The following USP43 variants were observed in gnomAD, a reference collection of about 807,000 sequenced individuals.
USP43 encodes ubiquitin carboxyl-terminal hydrolase 43.
A neutral mutation model predicts 90.7 loss-of-function variants in USP43; 33 were observed. That is an observed-to-expected ratio of 0.36 (90% CI 0.28 to 0.49). The LOEUF (loss-of-function observed/expected upper bound fraction) is 0.49, where lower values mean the gene tolerates loss of function less well. USP43 is among the 20% of genes least tolerant of loss of function. The pLI, the probability that USP43 is intolerant of heterozygous loss-of-function variation, is 0.98. For synonymous variants in USP43, 598 were observed against 615.8 expected, an observed-to-expected ratio of 0.97 and a Z score of 0.43; for missense variants, 1,274 against 1,476.4, an observed-to-expected ratio of 0.86 and a Z score of 2.25.
chr17:9,698,959 T>G (rs1915418365), intron 9 of USP43, among the ~76,000 whole-genome samples: 1 of 152,194 alleles, frequency 6.6e-6, no homozygotes, highest in East Asian at 1.9e-4. Flanking sequence ...TCCCTCATTG[T>G]GGAAATGGAG....
chr17:9,678,183 G>A (rs1429107574), intron 5 of USP43, among the ~76,000 whole-genome samples: 1 of 152,090 alleles, frequency 6.6e-6, no homozygotes, highest in African/African-American at 2.4e-5. Flanking sequence ...GAATTTGAGA[G>A]GTGTGATGTG....
At chr17:9,707,678 AT>A (rs1392136015) in intron 12 of USP43, among the ~76,000 whole-genome samples, 1 of 149,874 alleles carries the variant, frequency 6.7e-6, no homozygotes, top group Non-Finnish European at 1.5e-5. Flanking sequence ...AAAATATTTC[AT>A]TTTTTATTTA....
At chr17:9,667,666 C>T (rs1475280733) in intron 3 of USP43, among the ~76,000 whole-genome samples, 2 of 152,208 alleles carry the variant, frequency 1.3e-5, no homozygotes, top group East Asian at 1.9e-4. Flanking sequence ...AGATAGTCAA[C>T]AGGAACAAAT....
intron 14 of USP43, among the ~76,000 whole-genome samples, chr17:9,716,131 C>CTTTA (rs113894652): frequency 0.17 from 25,472 of 151,624 alleles, 4,013 homozygotes; most frequent in African/African-American, 0.42. Flanking sequence ...AGTGTGTGAT[C>CTTTA]TTTAGCCTTT....
At position 9,729,109 on chromosome 17, in the gene USP43, A is replaced by T. The variant is rs1917447319; in HGVS notation, c.*119A>T. On this transcript the variant is annotated 3_prime_UTR_variant, in exon 15 of 15. Transcript: ENST00000285199. ...CGTTGTCTTGTAATCTCTAAAAAAA[A>T]ATTTTTTTTTTTTTGTGGTGGGGGG... 1 of 1,152,882 alleles carries T rather than the reference A, an allele frequency of 8.7e-7. No homozygotes were observed. The highest frequency in any genetic ancestry group is 1.1e-6 in the Non-Finnish European group (1 of 872,406). The allele number at this position is 1,152,882 out of a possible 1,614,324, so 71.4% of individuals were successfully genotyped here. A position where few individuals can be genotyped will look rare whatever the true frequency, so the allele number is the denominator to read the frequency against.
intron 14 of USP43, among the ~76,000 whole-genome samples, chr17:9,727,434 A>G (rs765408082): frequency 2.0e-5 from 3 of 152,098 alleles, no homozygotes; most frequent in Non-Finnish European, 4.4e-5. Context: ...ATGCACGTGT[A>G]TATATTTTTA....
chr17:9,679,850 T>C (rs769912577), intron 5 of USP43, among the ~76,000 whole-genome samples: 23 of 152,070 alleles, frequency 1.5e-4, no homozygotes, highest in Non-Finnish European at 2.9e-4. Context: ...TACTTCAATG[T>C]TTGGTAAAAA....
rs921357961 is a variant in USP43, at chr17:9,686,257, T to C, written c.1242-541T>C. Among the ~76,000 whole-genome samples the C allele has an allele frequency of 6.6e-6, 1 of 152,200 alleles. No homozygotes were observed. Among genetic ancestry groups the C allele is most frequent in the Non-Finnish European group, 1.5e-5 (1 of 68,022 alleles). On this transcript the variant is annotated intron_variant, in intron 7 of 14. Transcript: ENST00000285199. The surrounding 1 kb of genome is among the most constrained non-coding windows in gnomAD (Gnocchi z 5.5). Reference sequence around the variant, plus strand: ...GGTTGATTTGGAATCTTGGCTATTGTGAATAGCCCTGCAGTAAACACAGGA... The same window carrying C: ...GGTTGATTTGGAATCTTGGCTATTGCGAATAGCCCTGCAGTAAACACAGGA...
chr17:9,647,363 C>T (rs1170448439), intron 1 of USP43: 1 of 152,114 alleles, frequency 6.6e-6, no homozygotes, highest in Non-Finnish European at 1.5e-5. Flanking sequence ...TTTTTGGTGA[C>T]ATTTGCTTTT....
chr17:9,667,198 C>A (rs546922162), intron 3 of USP43, among the ~76,000 whole-genome samples: 3,539 of 146,794 alleles, frequency 0.024, 66 homozygotes, highest in Admixed American at 0.048. Flanking sequence ...CCATCTGTAC[C>A]AAAAAAAACC....
rs1317266044 is a variant in USP43, at chr17:9,701,151, A to G, written c.1568A>G (p.Gln523Arg). The change falls in exon 11 of 15, where the codon CAG (glutamine) becomes CGG (arginine). Residue 523 changes from glutamine to arginine, a missense_variant. Transcript: ENST00000285199. The surrounding 1 kb of genome is among the most constrained non-coding windows in gnomAD (Gnocchi z 7.2). ...GGGAGCCTCCAGGAGGAGCGAGCGC[A>G]GGATGCCGACAGTGTGTGGCAGCAG... is the stretch of plus-strand genomic sequence containing the variant. ...LFGSLQEERA[Q>R]DADSVWQQQQ... 6.6e-7 allele frequency: 1 copy of G among 1,504,294 alleles called. No homozygotes were observed. 93.2% of individuals were successfully genotyped at this position (1,504,294 alleles called of 1,614,324 possible). A position where few individuals can be genotyped will look rare whatever the true frequency, so the allele number is the denominator to read the frequency against.
At chr17:9,690,127 A>G (rs890499253) in intron 8 of USP43, among the ~76,000 whole-genome samples, 1 of 152,088 alleles carries the variant, frequency 6.6e-6, no homozygotes, top group African/African-American at 2.4e-5. Flanking sequence ...TGCACACGTC[A>G]GCTCCCACAG....
intron 1 of USP43, among the ~76,000 whole-genome samples, chr17:9,648,778 G>A (rs1006295744): frequency 6.6e-6 from 1 of 152,220 alleles, no homozygotes; most frequent in Non-Finnish European, 1.5e-5. Flanking sequence ...GGGAGGAAAG[G>A]CTGGAGAATT....
At chr17:9,704,459 G>A (rs1299768391) in intron 12 of USP43, among the ~76,000 whole-genome samples, 1 of 152,050 alleles carries the variant, frequency 6.6e-6, no homozygotes, top group Non-Finnish European at 1.5e-5. Context: ...GGCCACGGTG[G>A]TGCTCGCCAC....
At chr17:9,669,983 G>T (rs1361237538) in intron 3 of USP43, 6 of 151,920 alleles carry the variant, frequency 3.9e-5, no homozygotes, top group African/African-American at 1.5e-4. Context: ...GGCACAGGAA[G>T]ACACTGCAGA....
intron 9 of USP43, among the ~76,000 whole-genome samples, chr17:9,698,088 T>G (rs768519803): frequency 6.6e-6 from 1 of 152,256 alleles, no homozygotes; most frequent in African/African-American, 2.4e-5. Context: ...TGATGATTAG[T>G]GCTGTTGAGC....
chr17:9,712,883 C>T (rs751363963), intron 14 of USP43, among the ~76,000 whole-genome samples: 3 of 152,068 alleles, frequency 2.0e-5, no homozygotes, highest in African/African-American at 4.8e-5. Context: ...ATTTGGGGTA[C>T]ATATGATAGT....
intron 1 of USP43, 62 bp from the exon 2 acceptor site, chr17:9,656,341 G>C: frequency 1.9e-6 from 3 of 1,569,606 alleles, no homozygotes; most frequent in Non-Finnish European, 2.6e-6. Flanking sequence ...GGTGCTCACA[G>C]AGCCTTCATT....
At chr17:9,711,768 A>G (rs1290645264) in intron 13 of USP43, among the ~76,000 whole-genome samples, 200 bp from the exon 14 acceptor site, 1 of 152,016 alleles carries the variant, frequency 6.6e-6, no homozygotes, top group Non-Finnish European at 1.5e-5. Context: ...CTCTCCCTAA[A>G]CTTTTAAGCT....
Sources: gnomAD v4.1 joint callset for allele counts (sites outside exome capture counted in the v4.1 genomes callset) on GRCh38, gnomAD v4.1.1 for gene constraint, Gnocchi (gnomAD v3.1) non-coding constraint, MANE v1.5 for transcripts, NCBI Gene and HGNC (gene_info 2026-07-23, HGNC 2026-07-21) for gene names.